The following TTC7A variants were observed in gnomAD, a reference collection of about 807,000 sequenced individuals.
TTC7A encodes the protein tetratricopeptide repeat domain 7A, also known as tetratricopeptide repeat protein 7A.
Under a neutral mutation model 103.7 loss-of-function variants are expected in TTC7A, and 110 were observed. The ratio of observed to expected loss-of-function variants is 1.06; its 90% CI spans 0.91 to 1.24. The LOEUF is 1.24. Ranked by LOEUF, TTC7A falls within the 50% of genes most tolerant of loss-of-function variation. The pLI, the probability that TTC7A is intolerant of heterozygous loss-of-function variation, is 0.00. For missense variants in TTC7A, 1,340 were observed against 1,116.3 expected, an observed-to-expected ratio of 1.20 and a Z score of -2.86; for synonymous variants, 521 against 467.9, an observed-to-expected ratio of 1.11 and a Z score of -1.47.
intron 10 of TTC7A, among the ~76,000 whole-genome samples, 194 bp from the exon 11 acceptor site, chr2:47,011,137 G>C (rs1405781832): frequency 6.6e-6 from 1 of 152,310 alleles, no homozygotes; most frequent in East Asian, 1.9e-4. Context: ...CTAATCTTCA[G>C]ATGAGGAAAC....
chr2:46,962,260 C>T (rs775615771), intron 3 of TTC7A, among the ~76,000 whole-genome samples: 10 of 152,160 alleles, frequency 6.6e-5, no homozygotes, highest in East Asian at 1.9e-4. Flanking sequence ...CATTCTCCTC[C>T]GACACAGTTC....
chr2:47,021,105 G>A lies in TTC7A; in HGVS notation c.1393-757G>A, dbSNP rs139903882. ...GCATCCCTGCCCTCTCTGGAAACTG[G>A]CGTTTTCAATGACATGAACTTGGGC... On this transcript the variant is annotated intron_variant, in intron 11 of 19. Coordinates refer to ENST00000319190, the MANE Select transcript of TTC7A (RefSeq NM_020458.4). Among the ~76,000 whole-genome samples the A allele has an allele frequency of 1.8e-3, 272 of 152,330 alleles. 1 individual carries two copies. The highest frequency in any genetic ancestry group is 6.8e-3 in the Middle Eastern group (2 of 294).
chr2:47,071,393 C>G (rs1180319321), intron 19 of TTC7A, among the ~76,000 whole-genome samples: 1 of 152,158 alleles, frequency 6.6e-6, no homozygotes, highest in African/African-American at 2.4e-5. Flanking sequence ...CATGCCCTCT[C>G]CCAGCTTCTA....
chr2:46,993,891 A>G (rs147369992), intron 6 of TTC7A, among the ~76,000 whole-genome samples: 124 of 152,270 alleles, frequency 8.1e-4, no homozygotes, highest in Admixed American at 3.6e-3. Context: ...CTGCCCCAAC[A>G]CAGGCCTGCC....
In TTC7A at chr2:46,945,711, T is replaced by C. The variant is rs192515671; in HGVS notation, c.184+3986T>C. On this transcript the variant is annotated intron_variant, in intron 1 of 19. Coordinates refer to ENST00000319190, the MANE Select transcript of TTC7A (RefSeq NM_020458.4). Reference sequence around the variant, plus strand: ...CGGTCTTTGAGTGTCTCTTAATCTGTAGTCACCCTCCCCGCCGCCCCACTT... The same window carrying C: ...CGGTCTTTGAGTGTCTCTTAATCTGCAGTCACCCTCCCCGCCGCCCCACTT... Among the ~76,000 whole-genome samples the C allele has an allele frequency of 6.6e-5, 10 of 151,610 alleles. No individual in the cohort carries two copies. The East Asian group carries it at 1.7e-3, about 26-fold the overall frequency.
At chr2:46,965,969 A>G (rs1277170171) in intron 3 of TTC7A, among the ~76,000 whole-genome samples, 1 of 145,846 alleles carries the variant, frequency 6.9e-6, no homozygotes, top group African/African-American at 2.5e-5. Context: ...TTTTTTCTTG[A>G]GGTGGAGTCT....
intron 11 of TTC7A, among the ~76,000 whole-genome samples, chr2:47,017,765 A>G (rs758756212): frequency 1.3e-5 from 2 of 152,106 alleles, no homozygotes; most frequent in Non-Finnish European, 2.9e-5. Context: ...AAAGGCAGGC[A>G]GTAATGTCTA....
At chr2:46,987,805 CGCGCGTGTGTGTGT>C (rs1319410667) in intron 5 of TTC7A, among the ~76,000 whole-genome samples, 4 of 102,938 alleles carry the variant, frequency 3.9e-5, no homozygotes, top group Non-Finnish European at 6.4e-5. Flanking sequence ...TGTCCCTTTC[CGCGCGTGTGTGTGT>C]GTGTGTGTGT....
At position 47,046,328 on chromosome 2, in the gene TTC7A, A is replaced by G; in HGVS notation, c.1816A>G (p.Lys606Glu). Residue 606 changes from lysine to glutamate, a missense_variant, in exon 16 of 20, where the codon AAG becomes GAG. Transcript: ENST00000319190. ...HPENFNLMFTKVKLEQVLKGP... is the reference protein window; with the variant it reads ...HPENFNLMFTEVKLEQVLKGP... ...CCGTCCCCACAGCCTGATGTTCACCAAGGTGAAGCTGGAGCAGGTGCTGAA... is the reference window on the plus strand; with the variant it reads ...CCGTCCCCACAGCCTGATGTTCACCGAGGTGAAGCTGGAGCAGGTGCTGAA... 3 of 1,613,874 alleles carry G rather than the reference A, an allele frequency of 1.9e-6. No individual in the cohort carries two copies. The highest frequency in any genetic ancestry group is 2.5e-6 in the Non-Finnish European group (3 of 1,179,846).
chr2:46,939,444 A>T (rs1313459140), upstream of TTC7A, among the ~76,000 whole-genome samples: 3 of 152,294 alleles, frequency 2.0e-5, no homozygotes, highest in African/African-American at 4.8e-5. Context: ...GGAAGAGCTC[A>T]TTAAAAATGT....
In TTC7A at chr2:46,927,583, A is replaced by G. The variant is rs1045183469; in HGVS notation, c.82+10306A>G. ...CACCGTGTTAGCCAGGATGGTCTCA[A>G]TCTCCTGACCTCGTGATCTGCTCTC... On this transcript the variant is annotated intron_variant, in intron 2 of 20. Transcript: ENST00000409245. Among the ~76,000 whole-genome samples, 4 of 151,954 alleles carry G rather than the reference A, an allele frequency of 2.6e-5. No homozygotes were observed. The South Asian group carries it at 6.2e-4, about 24-fold the overall frequency.
At chr2:47,035,146 C>G (rs927780896) in intron 15 of TTC7A, 4 of 152,168 alleles carry the variant, frequency 2.6e-5, no homozygotes, top group African/African-American at 9.7e-5. Flanking sequence ...GGGGATGAGT[C>G]CCGGGGCTTC....
intron 18 of TTC7A, among the ~76,000 whole-genome samples, chr2:47,054,698 G>A (rs1012018418): frequency 7.9e-5 from 12 of 152,094 alleles, no homozygotes; most frequent in Non-Finnish European, 8.8e-5. Flanking sequence ...ATCTGGGCAT[G>A]GTGGTGCATG....
At chr2:46,992,349 G>A (rs1221191418) in intron 5 of TTC7A, among the ~76,000 whole-genome samples, 1 of 152,238 alleles carries the variant, frequency 6.6e-6, no homozygotes, top group East Asian at 1.9e-4. Context: ...CTTCAGAAGA[G>A]GAATTAACAG....
chr2:47,053,011 A>G (rs752207155), intron 18 of TTC7A, among the ~76,000 whole-genome samples: 6 of 152,200 alleles, frequency 3.9e-5, no homozygotes, highest in Non-Finnish European at 8.8e-5. Flanking sequence ...CATGTTCCTC[A>G]CATACGGCAC....
At chr2:47,040,518 C>T (rs1572997670) in intron 15 of TTC7A, 2 of 152,436 alleles carry the variant, frequency 1.3e-5, no homozygotes, top group South Asian at 4.1e-4. Context: ...AGCCCAGTTC[C>T]TATAGCTTTA....
chr2:46,953,266 G>C (rs1160294062), intron 2 of TTC7A, among the ~76,000 whole-genome samples: 1 of 152,128 alleles, frequency 6.6e-6, no homozygotes, highest in African/African-American at 2.4e-5. Context: ...TGATCATCCT[G>C]CTTCAGCCTC....
chr2:46,994,199 G>T (rs1339303119), intron 6 of TTC7A, 158 bp from the exon 7 acceptor site: 1 of 808,578 alleles, frequency 1.2e-6, no homozygotes, highest in African/African-American at 1.7e-5. Flanking sequence ...GACTGAAGGA[G>T]CAAGGGGGCT....
chr2:46,975,180 G>T, intron 4 of TTC7A, 77 bp downstream of exon 4: 1 of 1,573,574 alleles, frequency 6.4e-7, no homozygotes, highest in South Asian at 1.1e-5. Context: ...TAAACCCATA[G>T]GTCACCTGTG....
Sources: gnomAD v4.1 joint callset for allele counts (sites outside exome capture counted in the v4.1 genomes callset) on GRCh38, gnomAD v4.1.1 for gene constraint, MANE v1.5 for transcripts, NCBI Gene and HGNC (gene_info 2026-07-23, HGNC 2026-07-21) for gene names.